The following DLGAP2 variants were observed in gnomAD, a reference collection of about 807,000 sequenced individuals.
DLGAP2 encodes the protein DLG associated protein 2.
DLGAP2 carries 26 observed loss-of-function variants against 100.3 expected under a neutral mutation model. The ratio of observed to expected loss-of-function variants is 0.26; its 90% confidence interval spans 0.19 to 0.36. The LOEUF is 0.36. Among genes scored for constraint, DLGAP2 ranks in the 10% least tolerant of loss-of-function variants. DLGAP2 has a pLI of 1.00. For synonymous variants in DLGAP2, 886 were observed against 630.1 expected, an observed-to-expected ratio of 1.41 and a Z score of -6.08; for missense variants, 1,858 against 1,453.2, an observed-to-expected ratio of 1.28 and a Z score of -4.53.
At chr8:784,250 C>T (rs1280985458) in intron 1 of DLGAP2, among the ~76,000 whole-genome samples, 1 of 152,158 alleles carries the variant, frequency 6.6e-6, no homozygotes, top group Non-Finnish European at 1.5e-5. Context: ...ATAAAACTAA[C>T]AATAGTTTAG....
At chr8:947,613 G>C (rs1450431998) in intron 2 of DLGAP2, among the ~76,000 whole-genome samples, 1 of 152,166 alleles carries the variant, frequency 6.6e-6, no homozygotes, top group African/African-American at 2.4e-5. Flanking sequence ...AGGCCCCGCT[G>C]GCTTCAGCCT....
chr8:1,520,689 T>G (rs1800565212), intron 4 of DLGAP2, among the ~76,000 whole-genome samples: 1 of 152,182 alleles, frequency 6.6e-6, no homozygotes. Context: ...GTGTGAAGGC[T>G]TTTTCATGGC....
chr8:987,114 C>T (rs1048185727), intron 2 of DLGAP2, among the ~76,000 whole-genome samples: 5 of 152,128 alleles, frequency 3.3e-5, no homozygotes, highest in African/African-American at 7.2e-5. Context: ...CTTCTTTGGG[C>T]ATTTCGGTTC....
chr8:1,312,941 G>C (rs945997404), intron 3 of DLGAP2, among the ~76,000 whole-genome samples: 1 of 152,160 alleles, frequency 6.6e-6, no homozygotes, highest in African/African-American at 2.4e-5. Flanking sequence ...CCCTACGTGC[G>C]GTATGGCCTG....
intron 2 of DLGAP2, among the ~76,000 whole-genome samples, chr8:973,123 G>A (rs1308214687): frequency 6.6e-6 from 1 of 152,218 alleles, no homozygotes; most frequent in Non-Finnish European, 1.5e-5. Context: ...TTCTCAATGA[G>A]CTGTTGGGTA....
intron 3 of DLGAP2, among the ~76,000 whole-genome samples, chr8:1,264,686 AAT>A: frequency 6.6e-6 from 1 of 152,130 alleles, no homozygotes; most frequent in Non-Finnish European, 1.5e-5. Flanking sequence ...TCCACTATAA[AAT>A]AGTACCCACT....
intron 2 of DLGAP2, among the ~76,000 whole-genome samples, chr8:1,066,240 G>T (rs1201644103): frequency 6.6e-6 from 1 of 150,870 alleles, no homozygotes; most frequent in Admixed American, 6.6e-5. Flanking sequence ...AGCGAGGGCA[G>T]CTCCCCACCA....
At chr8:1,552,228 G>T (rs913645054) in intron 5 of DLGAP2, among the ~76,000 whole-genome samples, 20 of 152,350 alleles carry the variant, frequency 1.3e-4, no homozygotes, top group African/African-American at 4.6e-4. Context: ...GCACTGCCCG[G>T]AGGATCGGAG....
intron 5 of DLGAP2, among the ~76,000 whole-genome samples, chr8:1,552,946 G>A (rs143168393): frequency 7.2e-4 from 109 of 152,316 alleles, no homozygotes; most frequent in African/African-American, 2.6e-3. Context: ...AGCAGACTAA[G>A]CATCTAAGGT....
chr8:855,709 G>A (rs996223309), intron 1 of DLGAP2, among the ~76,000 whole-genome samples: 7 of 152,192 alleles, frequency 4.6e-5, no homozygotes, highest in African/African-American at 1.7e-4. Flanking sequence ...CTACAAAACA[G>A]GTTGAAGCTT....
intron 8 of DLGAP2, among the ~76,000 whole-genome samples, chr8:1,658,229 C>G (rs1011647045): frequency 1.3e-5 from 2 of 152,046 alleles, no homozygotes; most frequent in African/African-American, 2.4e-5. Flanking sequence ...CCATGACACC[C>G]TGCACATACT....
chr8:1,351,743 T>C (rs1212689802), intron 3 of DLGAP2, among the ~76,000 whole-genome samples: 1 of 66,950 alleles, frequency 1.5e-5, no homozygotes, highest in African/African-American at 5.0e-5. Context: ...GGAAAGGCCG[T>C]GCGGGTCCTG....
At chr8:1,033,934 C>A (rs1802053532) in intron 2 of DLGAP2, among the ~76,000 whole-genome samples, 2 of 105,776 alleles carry the variant, frequency 1.9e-5, no homozygotes, top group Admixed American at 1.0e-4. Flanking sequence ...CATGTGTCAC[C>A]GCGAGTGGAC....
intron 2 of DLGAP2, among the ~76,000 whole-genome samples, chr8:915,671 A>G (rs1326821080): frequency 6.6e-6 from 1 of 152,092 alleles, no homozygotes; most frequent in Admixed American, 6.5e-5. Context: ...CGTTTGCCTT[A>G]GCTTTTGGAA....
At chr8:1,593,353 G>T (rs781197820) in intron 6 of DLGAP2, among the ~76,000 whole-genome samples, 1 of 152,032 alleles carries the variant, frequency 6.6e-6, no homozygotes, top group Non-Finnish European at 1.5e-5. Context: ...TACTCAGGAG[G>T]CTGAGGCAGG....
At chr8:780,599 A>G (rs143970635) in intron 1 of DLGAP2, among the ~76,000 whole-genome samples, 1 of 152,354 alleles carries the variant, frequency 6.6e-6, no homozygotes, top group African/African-American at 2.4e-5. Context: ...GGTGAACGTG[A>G]GTCCCCTTCA....
At chr8:922,097 C>T (rs1444163626) in intron 2 of DLGAP2, among the ~76,000 whole-genome samples, 2 of 152,204 alleles carry the variant, frequency 1.3e-5, no homozygotes, top group Non-Finnish European at 2.9e-5. Context: ...GAAACGGCTC[C>T]TTGTTTCTTG....
At chr8:937,012 G>A (rs572911733) in intron 2 of DLGAP2, among the ~76,000 whole-genome samples, 3 of 152,260 alleles carry the variant, frequency 2.0e-5, no homozygotes, top group African/African-American at 7.2e-5. Flanking sequence ...AGCTGGTGGC[G>A]GGACCTGTTT....
intron 2 of DLGAP2, among the ~76,000 whole-genome samples, chr8:1,207,254 C>G (rs1798016502): frequency 6.6e-6 from 1 of 152,208 alleles, no homozygotes; most frequent in South Asian, 2.1e-4. Context: ...CCCGAGTCCC[C>G]AAAGTCCATT....
Sources: allele counts gnomAD v4.1 joint callset (sites outside exome capture counted in the v4.1 genomes callset), GRCh38; gene constraint gnomAD v4.1.1; transcripts MANE v1.5; gene names NCBI Gene and HGNC (gene_info 2026-07-23, HGNC 2026-07-21).